The following SYK variants were observed in gnomAD, a reference collection of about 807,000 sequenced individuals.
SYK encodes the protein spleen associated tyrosine kinase, also known as tyrosine-protein kinase SYK.
A neutral mutation model predicts 77.8 loss-of-function variants in SYK; 16 were observed. The observed-to-expected ratio is 0.21, with a 90% confidence interval of 0.14 to 0.31. The LOEUF is 0.31. Among genes scored for constraint, SYK ranks in the 10% least tolerant of loss-of-function variants. The pLI, the probability that SYK is intolerant of heterozygous loss-of-function variation, is 1.00. For missense variants in SYK, 529 were observed against 814.4 expected, an observed-to-expected ratio of 0.65 and a Z score of 4.26; for synonymous variants, 312 against 308.7, an observed-to-expected ratio of 1.01 and a Z score of -0.11.
chr9:90,814,307 C>T (rs1198084449), intron 1 of SYK, among the ~76,000 whole-genome samples: 2 of 152,200 alleles, frequency 1.3e-5, no homozygotes, highest in Non-Finnish European at 2.9e-5. Flanking sequence ...TCTGTCATCC[C>T]TGCTAAGGCT....
chr9:90,893,660 T>C (rs1428769673), intron 13 of SYK, among the ~76,000 whole-genome samples: 1 of 152,150 alleles, frequency 6.6e-6, no homozygotes, highest in Non-Finnish European at 1.5e-5. Flanking sequence ...ATAAAGACCA[T>C]ATATCTCTTT....
At chr9:90,802,807 G>T (rs998673072) in intron 1 of SYK, among the ~76,000 whole-genome samples, 1 of 2,148 alleles carries the variant, frequency 4.7e-4, no homozygotes, top group African/African-American at 0.01. Context: ...AAGCATTGCA[G>T]CGTGTAGTAA....
At chr9:90,806,200 A>C (rs1824826690) in intron 1 of SYK, among the ~76,000 whole-genome samples, 1 of 152,116 alleles carries the variant, frequency 6.6e-6, no homozygotes, top group Non-Finnish European at 1.5e-5. Context: ...ACTTTCTGAC[A>C]TAAAGATGAA....
intron 11 of SYK, among the ~76,000 whole-genome samples, chr9:90,883,316 G>A (rs1347597558): frequency 6.6e-6 from 1 of 152,020 alleles, no homozygotes; most frequent in Admixed American, 6.5e-5. Flanking sequence ...CCCATAGCCA[G>A]CGCCATTCTG....
At chr9:90,835,380 A>T (rs1826035636) in intron 1 of SYK, among the ~76,000 whole-genome samples, 1 of 152,218 alleles carries the variant, frequency 6.6e-6, no homozygotes, top group African/African-American at 2.4e-5. Flanking sequence ...AAATCTTGGC[A>T]GCGTCACTGG....
chr9:90,835,454 G>A (rs1402460055), intron 1 of SYK, among the ~76,000 whole-genome samples: 4 of 152,132 alleles, frequency 2.6e-5, no homozygotes, highest in Admixed American at 2.0e-4. Flanking sequence ...TGAGTGAGAG[G>A]TCTTGAAATA....
At chr9:90,838,937 C>T (rs1826187039) in intron 1 of SYK, among the ~76,000 whole-genome samples, 1 of 152,228 alleles carries the variant, frequency 6.6e-6, no homozygotes, top group Non-Finnish European at 1.5e-5. Flanking sequence ...CCGTCCCTGT[C>T]TCAGTTGGTG....
intron 1 of SYK, among the ~76,000 whole-genome samples, chr9:90,841,238 T>G (rs1826308996): frequency 6.6e-6 from 1 of 150,990 alleles, no homozygotes; most frequent in African/African-American, 2.4e-5. Flanking sequence ...TGTATGTAGT[T>G]TGTGTGTGTG....
At chr9:90,880,000 G>A (rs367627552) in intron 11 of SYK, among the ~76,000 whole-genome samples, 7 of 152,190 alleles carry the variant, frequency 4.6e-5, no homozygotes, top group Non-Finnish European at 8.8e-5. Context: ...AAACGTGATG[G>A]CACCAATCCC....
rs977347576 is a variant in SYK, at chr9:90,898,224, C to A, written c.*2624C>A. The stretch of plus-strand genomic sequence containing the variant: ...TGTCCCCCAGCAGGGCCGACAGTTT[C>A]TATCACAGAAAACAGTGTGTTCAGT... On this transcript the variant is annotated 3_prime_UTR_variant, in exon 14 of 14. Coordinates refer to ENST00000375754, the MANE Select transcript of SYK (RefSeq NM_003177.7). The A allele has an allele frequency of 4.3e-6, 1 of 231,300 alleles. No individual in the cohort carries two copies. Among genetic ancestry groups the A allele is most frequent in the Non-Finnish European group, 8.6e-6 (1 of 116,812 alleles). 14.3% of individuals were successfully genotyped at this position (231,300 alleles called of 1,614,324 possible). A position where few individuals can be genotyped will look rare whatever the true frequency, so the allele number is the denominator to read the frequency against.
chr9:90,855,007 T>TACACAC (rs769425530), intron 3 of SYK, among the ~76,000 whole-genome samples: 277 of 42,110 alleles, frequency 6.6e-3, no homozygotes, highest in African/African-American at 0.019. Context: ...CACACACACA[T>TACACAC]ACATACACAC....
At chr9:90,870,943 A>G (rs1033272637) in intron 7 of SYK, among the ~76,000 whole-genome samples, 1 of 152,254 alleles carries the variant, frequency 6.6e-6, no homozygotes, top group Non-Finnish European at 1.5e-5. Flanking sequence ...ATACTCTGGA[A>G]TCAGGAAACT....
At chr9:90,805,316 G>A (rs746149992) in intron 1 of SYK, among the ~76,000 whole-genome samples, 2 of 152,314 alleles carry the variant, frequency 1.3e-5, no homozygotes, top group East Asian at 1.9e-4. Flanking sequence ...CTGGAGAGGC[G>A]CTTCCAGTTA....
At chr9:90,884,217 G>GTGTA (rs1564120085) in intron 11 of SYK, among the ~76,000 whole-genome samples, 8 of 43,152 alleles carry the variant, frequency 1.9e-4, no homozygotes, top group Admixed American at 2.5e-4. Flanking sequence ...ATATATACAC[G>GTGTA]CATATACACA....
chr9:90,818,878 C>G (rs1274508828), intron 1 of SYK, among the ~76,000 whole-genome samples: 3 of 152,228 alleles, frequency 2.0e-5, no homozygotes, highest in Non-Finnish European at 4.4e-5. Flanking sequence ...AGGAATTATG[C>G]TGGCTCAGCT....
At chr9:90,879,062 A>C in intron 11 of SYK, 109 bp downstream of exon 11, 1 of 767,070 alleles carries the variant, frequency 1.3e-6, no homozygotes, top group East Asian at 2.6e-5. Context: ...CAGTTTTGCT[A>C]CTGAAAAATA....
At chr9:90,845,692 G>A in intron 3 of SYK, 98 bp downstream of exon 3, 4 of 1,429,434 alleles carry the variant, frequency 2.8e-6, no homozygotes, top group Non-Finnish European at 3.8e-6. Flanking sequence ...CATGACCCTG[G>A]GAAGAGGCCA....
chr9:90,836,646 T>C (rs1249947058), intron 1 of SYK, among the ~76,000 whole-genome samples: 2 of 152,218 alleles, frequency 1.3e-5, no homozygotes, highest in African/African-American at 2.4e-5. Context: ...ATCTCTCCAG[T>C]AAATTGCATA....
intron 9 of SYK, among the ~76,000 whole-genome samples, chr9:90,875,511 T>C (rs1317784031): frequency 6.6e-6 from 1 of 152,186 alleles, no homozygotes; most frequent in Non-Finnish European, 1.5e-5. Context: ...TCTTATTGTA[T>C]ATATTTTTAG....
Sources: gnomAD v4.1 joint callset for allele counts (sites outside exome capture counted in the v4.1 genomes callset) on GRCh38, gnomAD v4.1.1 for gene constraint, MANE v1.5 for transcripts, NCBI Gene and HGNC (gene_info 2026-07-23, HGNC 2026-07-21) for gene names.